Variants in NEK5 observed in about 807,000 individuals in gnomAD.
The protein encoded by NEK5 is NIMA related kinase 5.
NEK5 carries 88 observed loss-of-function variants against 109.2 expected under a neutral mutation model. The ratio of observed to expected loss-of-function variants is 0.81; its 90% CI spans 0.68 to 0.96. The LOEUF is 0.96. Among genes scored for constraint, NEK5 ranks in the 40% least tolerant of loss-of-function variants. The pLI, the probability that NEK5 is intolerant of heterozygous loss-of-function variation, is 0.00. For missense variants in NEK5, 834 were observed against 920.7 expected, an observed-to-expected ratio of 0.91 and a Z score of 1.22; for synonymous variants, 283 against 299.9, an observed-to-expected ratio of 0.94 and a Z score of 0.58.
At chr13:52,074,464 T>C (rs1954832708) in intron 19 of NEK5, among the ~76,000 whole-genome samples, 1 of 152,172 alleles carries the variant, frequency 6.6e-6, no homozygotes, top group Non-Finnish European at 1.5e-5. Flanking sequence ...TACCTTTCAC[T>C]GTATACAAAA....
chr13:52,110,348 G>A lies in NEK5; in HGVS notation c.459C>T (p.Val153=), dbSNP rs776945496. The A allele has an allele frequency of 1.2e-6, 2 of 1,607,472 alleles. No homozygotes were observed. Among genetic ancestry groups the A allele is most frequent in the South Asian group, 1.1e-5 (1 of 90,890 alleles). ...ATTTTCAAAGTACTTACTTATTCAG[G>A]ACTCTTGCTATACCAAAGTCCCCAA... The part of the protein sequence containing the change: ...AKLGDFGIAR[V]LNNSMELART... Residue 153 remains valine, a synonymous_variant, in exon 7 of 24, where the codon GTC becomes GTT. Coordinates refer to ENST00000684899, the MANE Select transcript of NEK5 (RefSeq NM_001365552.1).
chr13:52,056,655 G>A (rs9535840), intron 22 of NEK5, among the ~76,000 whole-genome samples: 80,968 of 147,100 alleles, frequency 0.55, 25,033 homozygotes, highest in Non-Finnish European at 0.7. Context: ...ACTCAAAACC[G>A]CTCAACTACA....
At chr13:52,059,810 G>T (rs879291079) in intron 22 of NEK5, among the ~76,000 whole-genome samples, 3 of 151,756 alleles carry the variant, frequency 2.0e-5, no homozygotes, top group Non-Finnish European at 1.5e-5. Context: ...GTTGTGGGGT[G>T]GGGGGACGGG....
rs115448766 is a variant in NEK5 at position 52,052,820 on chromosome 13, T to G, written c.2111-2599A>C. ...TTACCTTTGTTCCAGACACCTTTCC[T>G]GGCAATCTTGTCTTGACTAAACCTT... On this transcript the variant is annotated intron_variant, in intron 22 of 23. Coordinates refer to ENST00000684899, the MANE Select transcript of NEK5 (RefSeq NM_001365552.1). Among the ~76,000 whole-genome samples the G allele has an allele frequency of 3.8e-3, 576 of 152,328 alleles. 6 individuals carry two copies. Among genetic ancestry groups the G allele is most frequent in the African/African-American group, 0.013 (550 of 41,576 alleles).
At chr13:52,072,962 G>A (rs1954807513) in intron 19 of NEK5, among the ~76,000 whole-genome samples, 3 of 152,246 alleles carry the variant, frequency 2.0e-5, no homozygotes, top group African/African-American at 7.2e-5. Context: ...ATGAAATTTG[G>A]ATTTACTGTA....
intron 19 of NEK5, among the ~76,000 whole-genome samples, chr13:52,075,314 C>T (rs1954847800): frequency 2.0e-5 from 3 of 152,128 alleles, no homozygotes; most frequent in Admixed American, 2.0e-4. Context: ...AAATCATGTC[C>T]ATGCAACATG....
chr13:52,043,477 C>A (rs1954430969), intron 23 of NEK5, among the ~76,000 whole-genome samples: 1 of 143,682 alleles, frequency 7.0e-6, no homozygotes, highest in African/African-American at 2.6e-5. Context: ...GCAGAGGTTG[C>A]AGTGAGCCGA....
chr13:52,089,378 AG>A, intron 13 of NEK5, 65 bp from the exon 14 acceptor site: 1 of 986,292 alleles, frequency 1.0e-6, no homozygotes, highest in African/African-American at 1.6e-5. Context: ...CAATTTGACG[AG>A]TAATTTTCAG....
intron 12 of NEK5, among the ~76,000 whole-genome samples, chr13:52,098,365 AC>A (rs746930764): frequency 3.3e-5 from 5 of 152,298 alleles, no homozygotes; most frequent in African/African-American, 7.2e-5. Context: ...ATGTTTATAT[AC>A]CAACACATTT....
intron 3 of NEK5, among the ~76,000 whole-genome samples, chr13:52,124,550 A>G (rs2138144022): frequency 6.6e-6 from 1 of 152,288 alleles, no homozygotes; most frequent in Middle Eastern, 3.4e-3. Flanking sequence ...CTACTGTTGG[A>G]CATTTGTTTT....
intron 20 of NEK5, among the ~76,000 whole-genome samples, chr13:52,070,853 A>C (rs1175505362): frequency 2.0e-5 from 3 of 152,240 alleles, no homozygotes; most frequent in African/African-American, 7.2e-5. Flanking sequence ...TTAGGCACCT[A>C]GTATGTGCCA....
rs896099317 is a variant in NEK5, at chr13:52,034,121, A to G, written c.*2827T>C. The G allele has an allele frequency of 1.3e-5, 2 of 152,200 alleles. No homozygotes were observed. The highest frequency in any genetic ancestry group is 4.8e-5 in the African/African-American group (2 of 41,432). 9.4% of individuals were successfully genotyped at this position (152,200 alleles called of 1,614,324 possible). A position where few individuals can be genotyped will look rare whatever the true frequency, so the allele number is the denominator to read the frequency against. ...GTTGATACACTTATTGCTACCATTT[A>G]CAGAATGATCAATTTGATAGCTATC... On this transcript the variant is annotated 3_prime_UTR_variant, in exon 24 of 24. Coordinates refer to ENST00000684899, the MANE Select transcript of NEK5 (RefSeq NM_001365552.1).
rs547836076 is a variant in NEK5 at position 52,045,407 on chromosome 13, G to A, written c.2228+4697C>T. 5.9e-3 allele frequency among the ~76,000 whole-genome samples: 888 copies of A among 150,226 alleles called. 9 individuals carry two copies. The highest frequency in any genetic ancestry group is 0.02 in the African/African-American group (824 of 41,014). The stretch of plus-strand genomic sequence containing the variant: ...GGCCTCCCAAAGTGCTGCCGCGCCC[G>A]GCCAGAATAAAAAACCTTTTTAAGT... On this transcript the variant is annotated intron_variant, in intron 23 of 23. Transcript: ENST00000684899.
At position 52,083,309 on chromosome 13, in the gene NEK5, CTCT is replaced by C. The variant is rs748557563; in HGVS notation, c.1520_1522del (p.Lys507del). On this transcript the variant is annotated inframe_deletion, in exon 17 of 24. Transcript: ENST00000684899. ...TGCATCTTGATGGACAGGCAGGTTA[CTCT>C]TCTTCACCAAATAGGTTTTATGACT... The C allele has an allele frequency of 8.1e-6, 13 of 1,613,392 alleles. No individual in the cohort carries two copies. Among genetic ancestry groups the C allele is most frequent in the Non-Finnish European group, 1.1e-5 (13 of 1,179,332 alleles).
chr13:52,054,376 A>C (rs1413083352), intron 22 of NEK5, among the ~76,000 whole-genome samples: 1 of 152,240 alleles, frequency 6.6e-6, no homozygotes, highest in Admixed American at 6.5e-5. Flanking sequence ...ACTGGAGTGC[A>C]GCAGCACAAT....
intron 4 of NEK5, among the ~76,000 whole-genome samples, chr13:52,115,690 ACT>A (rs1955844467): frequency 6.7e-6 from 1 of 150,362 alleles, no homozygotes; most frequent in Non-Finnish European, 1.5e-5. Flanking sequence ...CCCATTAGCC[ACT>A]GTTAATTTTA....
Position 52,086,339 on chromosome 13 carries a change from T to A in NEK5, c.1417A>T (p.Ile473Leu), listed in dbSNP as rs753345998. ...ATGTCATTGTGGTACTGTTGGCGTA[T>A]TTCCTCTAACTGCTTCCAATATTCC... Reference protein sequence around the residue: ...EQEYWKQLEEIRQQYHNDMKE... With the variant: ...EQEYWKQLEELRQQYHNDMKE... The change falls in exon 16 of 24, where the codon ATA becomes TTA. Residue 473 changes from isoleucine to leucine, a missense_variant. Around this residue, in one of 2 missense-constraint regions of NEK5, gnomAD observed 777 missense variants for 824.7 expected, o/e 0.94. Transcript: ENST00000684899. 26 of 1,612,606 alleles carry A rather than the reference T, an allele frequency of 1.6e-5. No individual in the cohort carries two copies. In the South Asian group the frequency reaches 2.1e-4, roughly 13 times the overall value.
chr13:52,119,077 T>C (rs186418585), intron 4 of NEK5, among the ~76,000 whole-genome samples: 130 of 152,278 alleles, frequency 8.5e-4, no homozygotes, highest in Non-Finnish European at 1.5e-3. Context: ...AGCCAGTCAT[T>C]AATTTTTTGG....
At chr13:52,086,480 T>C (rs1041080082) in intron 15 of NEK5, 117 bp from the exon 16 acceptor site, 40 of 691,688 alleles carry the variant, frequency 5.8e-5, no homozygotes, top group African/African-American at 2.5e-4. Flanking sequence ...TAGAAAAATA[T>C]GTTGCTCCTA....
Sources: gnomAD v4.1 joint callset for allele counts (sites outside exome capture counted in the v4.1 genomes callset) on GRCh38, gnomAD v4.1.1 for gene constraint, gnomAD v4.1.1 regional missense constraint, MANE v1.5 for transcripts, NCBI Gene and HGNC (gene_info 2026-07-23, HGNC 2026-07-21) for gene names.